Variants in PLD5 observed in about 807,000 individuals in gnomAD.
The protein encoded by PLD5 is phospholipase D family member 5.
PLD5 carries 36 observed loss-of-function variants against 61.1 expected under a neutral mutation model. That is an observed-to-expected ratio of 0.59 (90% CI 0.45 to 0.78). The LOEUF is 0.78. PLD5 is among the 30% of genes least tolerant of loss of function. PLD5 has a pLI of 0.00. For synonymous variants in PLD5, 243 were observed against 242.8 expected (o/e 1.00, Z -0.01); for missense variants, 515 against 644.4 (o/e 0.80, Z 2.17).
intron 1 of PLD5, among the ~76,000 whole-genome samples, chr1:242,440,071 T>C (rs2810031): frequency 0.33 from 50,464 of 152,042 alleles, 8,987 homozygotes; most frequent in Non-Finnish European, 0.4. Context: ...ACTTAACACA[T>C]AGAATAGGGG....
chr1:242,462,305 A>G (rs1005577736), intron 1 of PLD5, among the ~76,000 whole-genome samples: 1 of 152,224 alleles, frequency 6.6e-6, no homozygotes, highest in African/African-American at 2.4e-5. Flanking sequence ...CTATGCAACC[A>G]TAAAAAAGAA....
At chr1:242,402,275 G>A (rs1663979787) in intron 1 of PLD5, among the ~76,000 whole-genome samples, 2 of 151,604 alleles carry the variant, frequency 1.3e-5, no homozygotes, top group Non-Finnish European at 2.9e-5. Context: ...AGAAAAAATA[G>A]AACAAGTAAG....
At chr1:242,218,577 T>G (rs1670364554) in intron 5 of PLD5, among the ~76,000 whole-genome samples, 1 of 152,244 alleles carries the variant, frequency 6.6e-6, no homozygotes, top group Admixed American at 6.5e-5. Flanking sequence ...ATTGGAAAGA[T>G]TCCAGTGAGT....
chr1:242,152,654 C>T (rs563768699), intron 5 of PLD5, among the ~76,000 whole-genome samples: 10 of 152,088 alleles, frequency 6.6e-5, no homozygotes, highest in Non-Finnish European at 1.3e-4. Flanking sequence ...TGGTTTCCAG[C>T]TTCATCCATG....
rs191250567 is a variant in PLD5, at chr1:242,388,903, T to C, written c.190-40661A>G. 1.7e-4 allele frequency among the ~76,000 whole-genome samples: 26 copies of C among 152,154 alleles called. 1 individual carries two copies. The highest frequency in any genetic ancestry group is 6.3e-4 in the African/African-American group (26 of 41,534). On this transcript the variant is annotated intron_variant, in intron 1 of 9. Coordinates refer to ENST00000536534, the MANE Select transcript of PLD5 (RefSeq NM_001372062.1). The stretch of plus-strand genomic sequence containing the variant: ...CCGGGAGGTGGAGGTTGCAGTGAGC[T>C]GAGATTGCACCATTGCACTCCAGGC...
chr1:242,399,995 C>A (rs1439933700), intron 1 of PLD5, among the ~76,000 whole-genome samples: 21 of 151,992 alleles, frequency 1.4e-4, no homozygotes, highest in Admixed American at 1.4e-3. Flanking sequence ...ATGGAGAAAC[C>A]CAGTCTCTAC....
chr1:242,336,051 G>C (rs1659483635), intron 2 of PLD5, among the ~76,000 whole-genome samples: 1 of 152,138 alleles, frequency 6.6e-6, no homozygotes, highest in Admixed American at 6.5e-5. Context: ...CGCCACAGGT[G>C]AAGAAGTAAA....
chr1:242,350,650 AG>A (rs1660424204), intron 1 of PLD5, among the ~76,000 whole-genome samples: 1 of 152,186 alleles, frequency 6.6e-6, no homozygotes, highest in Admixed American at 6.5e-5. Flanking sequence ...GATGTAGTCA[AG>A]TCAAAGGAAT....
upstream of PLD5, among the ~76,000 whole-genome samples, chr1:242,528,075 G>C (rs995981448): frequency 6.6e-6 from 1 of 152,122 alleles, no homozygotes; most frequent in Non-Finnish European, 1.5e-5. Flanking sequence ...GCTAACACTT[G>C]GCAACATGTT....
chr1:242,142,760 GTCTC>G (rs1664268050), intron 5 of PLD5, among the ~76,000 whole-genome samples: 2 of 148,146 alleles, frequency 1.4e-5, no homozygotes, highest in South Asian at 4.3e-4. Flanking sequence ...CTATCTCTCT[GTCTC>G]TCTGTCTGAC....
chr1:242,480,013 T>C (rs1185864314), intron 1 of PLD5, among the ~76,000 whole-genome samples: 1 of 149,822 alleles, frequency 6.7e-6, no homozygotes, highest in Non-Finnish European at 1.5e-5. Context: ...ATCGTGCCAC[T>C]GCACTCCAGC....
chr1:242,262,048 T>C (rs1319948579), intron 4 of PLD5, among the ~76,000 whole-genome samples: 1 of 152,218 alleles, frequency 6.6e-6, no homozygotes, highest in Non-Finnish European at 1.5e-5. Flanking sequence ...CAGCATTATA[T>C]GTAATAACCC....
intron 7 of PLD5, among the ~76,000 whole-genome samples, chr1:242,113,084 C>CTTTTTTTTTT (rs71570931): frequency 9.9e-4 from 109 of 110,642 alleles, no homozygotes; most frequent in Non-Finnish European, 1.3e-3. Context: ...CTCTCTCTCT[C>CTTTTTTTTTT]TTTTTTTTTT....
intron 1 of PLD5, among the ~76,000 whole-genome samples, chr1:242,372,486 T>A (rs1211905944): frequency 3.3e-5 from 5 of 152,148 alleles, no homozygotes; most frequent in African/African-American, 1.2e-4. Context: ...CATTGCCAAG[T>A]CAATCCTAAG....
At chr1:242,253,585 T>C (rs1558400254) in intron 4 of PLD5, among the ~76,000 whole-genome samples, 2 of 152,064 alleles carry the variant, frequency 1.3e-5, no homozygotes, top group Non-Finnish European at 2.9e-5. Context: ...AGTGCTGGGA[T>C]TACAGGCGTG....
chr1:242,484,235 C>A (rs1453239643), intron 1 of PLD5, among the ~76,000 whole-genome samples: 1 of 152,078 alleles, frequency 6.6e-6, no homozygotes, highest in African/African-American at 2.4e-5. Context: ...AAGATAGAGA[C>A]ACAAAAAACC....
intron 5 of PLD5, among the ~76,000 whole-genome samples, chr1:242,171,955 G>T (rs316885): frequency 0.6 from 91,451 of 151,896 alleles, 29,127 homozygotes; most frequent in East Asian, 0.84. Context: ...TGGGAGACTT[G>T]AACACCCCAC....
At chr1:242,451,905 C>A (rs1359407953) in intron 1 of PLD5, among the ~76,000 whole-genome samples, 2 of 152,214 alleles carry the variant, frequency 1.3e-5, no homozygotes, top group Non-Finnish European at 2.9e-5. Flanking sequence ...TCACAAAGAA[C>A]TCCTTGCAGT....
rs10603005 is a variant in PLD5, at chr1:242,198,701, CAAAAAAAAAA to C, written c.735+21277_735+21286del. On this transcript the variant is annotated intron_variant, in intron 5 of 9. Coordinates refer to ENST00000536534, the MANE Select transcript of PLD5 (RefSeq NM_001372062.1). Reference sequence around the variant, plus strand: ...CCACTGGATTCTGAAAAGTCCTTAGCAAAAAAAAAAAAAAAAAAAAAAAGTAAAATATCTC... The same window carrying C: ...CCACTGGATTCTGAAAAGTCCTTAGCAAAAAAAAAAAAAGTAAAATATCTC... Among the ~76,000 whole-genome samples the C allele has an allele frequency of 4.3e-4, 22 of 51,568 alleles. No homozygotes were observed. In the East Asian group the frequency reaches 7.4e-3, roughly 17 times the overall value. The allele number at this position is 51,568 out of a possible 152,430, so 33.8% of individuals were successfully genotyped here.
Sources: allele counts gnomAD v4.1 joint callset (sites outside exome capture counted in the v4.1 genomes callset), GRCh38; gene constraint gnomAD v4.1.1; transcripts MANE v1.5; gene names NCBI Gene and HGNC (gene_info 2026-07-23, HGNC 2026-07-21).